Variants in MAPK4 observed in about 807,000 individuals in gnomAD.
MAPK4 encodes the protein mitogen-activated protein kinase 4.
MAPK4 carries 22 observed loss-of-function variants against 47.7 expected under a neutral mutation model. The ratio of observed to expected loss-of-function variants is 0.46; its 90% confidence interval spans 0.33 to 0.66. MAPK4 has a LOEUF of 0.66. Among genes scored for constraint, MAPK4 ranks in the 30% least tolerant of loss-of-function variants. The pLI, the probability that MAPK4 is intolerant of heterozygous loss-of-function variation, is 0.02. For missense variants in MAPK4, 736 were observed against 831.7 expected, an observed-to-expected ratio of 0.88 and a Z score of 1.42; for synonymous variants, 390 against 365.7, an observed-to-expected ratio of 1.07 and a Z score of -0.76.
rs1911477832 is a variant in MAPK4, at chr18:50,730,093, A to G, written c.*239A>G. The G allele has an allele frequency of 4.9e-6, 2 of 407,386 alleles. No homozygotes were observed. Among genetic ancestry groups the G allele is most frequent in the Non-Finnish European group, 8.7e-6 (2 of 228,818 alleles). The allele number at this position is 407,386 out of a possible 1,614,324, so 25.2% of individuals were successfully genotyped here. On this transcript the variant is annotated 3_prime_UTR_variant, in exon 6 of 6. Coordinates refer to ENST00000400384, the MANE Select transcript of MAPK4 (RefSeq NM_002747.4). ...TAGGGGTTGATCACTTTCCTAGCAA[A>G]GGGGAGACCACATGTGGTGCACAGG...
intron 1 of MAPK4, among the ~76,000 whole-genome samples, chr18:50,566,978 T>C (rs926227737): frequency 1.3e-5 from 2 of 152,214 alleles, no homozygotes; most frequent in African/African-American, 4.8e-5. Context: ...TTAATTTTTC[T>C]TGCTTTTTTA....
rs1911422626 is a variant in MAPK4 at position 50,729,572 on chromosome 18, G to A, written c.1482G>A (p.Ala494=). 7.0e-7 allele frequency: 1 copy of A among 1,424,252 alleles called. No individual in the cohort carries two copies. The highest frequency in any genetic ancestry group is 9.2e-7 in the Non-Finnish European group (1 of 1,087,984). 88.2% of individuals were successfully genotyped at this position (1,424,252 alleles called of 1,614,324 possible). The part of the protein sequence containing the change: ...DEPASLFLEI[A]QWVKSTQGGP... Reference sequence around the variant, plus strand: ...CGGCCAGCCTCTTCCTGGAGATCGCGCAGTGGGTCAAGAGCACGCAGGGCG... The same window carrying A: ...CGGCCAGCCTCTTCCTGGAGATCGCACAGTGGGTCAAGAGCACGCAGGGCG... Residue 494 remains alanine, a synonymous_variant, in exon 6 of 6, where the codon GCG becomes GCA. Coordinates refer to ENST00000400384, the MANE Select transcript of MAPK4 (RefSeq NM_002747.4).
chr18:50,629,189 A>C (rs1330381031), intron 1 of MAPK4, among the ~76,000 whole-genome samples: 4 of 152,234 alleles, frequency 2.6e-5, no homozygotes, highest in African/African-American at 9.6e-5. Flanking sequence ...AGGCTTAGAA[A>C]TTCTGAGAGC....
chr18:50,716,348 C>A (rs1243963302), intron 3 of MAPK4, among the ~76,000 whole-genome samples: 1 of 152,168 alleles, frequency 6.6e-6, no homozygotes, highest in Non-Finnish European at 1.5e-5. Flanking sequence ...GGGTCTCCTC[C>A]TCCCTCTCTG....
intron 1 of MAPK4, among the ~76,000 whole-genome samples, chr18:50,561,792 A>G (rs935934951): frequency 5.9e-5 from 9 of 152,198 alleles, no homozygotes; most frequent in African/African-American, 2.2e-4. Flanking sequence ...GCAGGGCTGA[A>G]TAGTAAAAAG....
At position 50,663,630 on chromosome 18, in the gene MAPK4, G is replaced by C. The variant is rs920665797; in HGVS notation, c.-329G>C. The C allele has an allele frequency of 9.9e-6, 2 of 202,336 alleles. No individual in the cohort carries two copies. The highest frequency in any genetic ancestry group is 2.0e-5 in the Non-Finnish European group (2 of 100,834). 12.5% of individuals were successfully genotyped at this position (202,336 alleles called of 1,614,324 possible). A position where few individuals can be genotyped will look rare whatever the true frequency, so the allele number is the denominator to read the frequency against. ...TGACATTCCATAGATAATGATACTG[G>C]GTTTTCTTTCCAAGATGCCAGCTTT... On this transcript the variant is annotated 5_prime_UTR_variant, in exon 2 of 6. Coordinates refer to ENST00000400384, the MANE Select transcript of MAPK4 (RefSeq NM_002747.4).
In MAPK4 at chr18:50,664,206, T is replaced by C. The variant is rs1907461402; in HGVS notation, c.248T>C (p.Val83Ala). Residue 83 changes from valine to alanine, a missense_variant, in exon 2 of 6, where the codon GTG becomes GCG. Transcript: ENST00000400384. This position sits in a 1 kb window ranked among gnomAD's most constrained non-coding sequence, Gnocchi z 6.0. ...DHDNIVKVYE[V>A]LGPKGTDLQG... ...GACAACATCGTCAAAGTGTACGAGG[T>C]GCTCGGTCCCAAGGGCACTGACCTG... 6.2e-7 allele frequency: 1 copy of C among 1,614,000 alleles called. No homozygotes were observed. Among genetic ancestry groups the C allele is most frequent in the East Asian group, 2.2e-5 (1 of 44,880 alleles).
intron 1 of MAPK4, among the ~76,000 whole-genome samples, chr18:50,589,595 C>CA (rs35570696): frequency 0.47 from 54,932 of 116,210 alleles, 11,432 homozygotes; most frequent in Middle Eastern, 0.55. Flanking sequence ...GACTCCGTCT[C>CA]AAAAAAAAAA....
intron 1 of MAPK4, among the ~76,000 whole-genome samples, chr18:50,628,375 G>A (rs879376084): frequency 5.3e-5 from 8 of 152,142 alleles, no homozygotes; most frequent in South Asian, 2.1e-4. Flanking sequence ...GTCTGATCTC[G>A]CCTCCCTGGG....
intron 1 of MAPK4, among the ~76,000 whole-genome samples, chr18:50,566,425 G>C (rs903590606): frequency 6.6e-6 from 1 of 152,244 alleles, no homozygotes; most frequent in African/African-American, 2.4e-5. Flanking sequence ...AGGTCACACA[G>C]AGATCAGCTG....
At chr18:50,640,374 C>T (rs868457619) in intron 1 of MAPK4, among the ~76,000 whole-genome samples, 21 of 120,072 alleles carry the variant, frequency 1.7e-4, no homozygotes, top group Middle Eastern at 4.7e-3. Context: ...GGACATTCTT[C>T]TTGTTTACAA....
intron 1 of MAPK4, among the ~76,000 whole-genome samples, chr18:50,582,483 C>A (rs941216947): frequency 6.6e-6 from 1 of 152,252 alleles, no homozygotes; most frequent in Non-Finnish European, 1.5e-5. Context: ...CTGCACTGGG[C>A]AGGTGGGTAG....
chr18:50,693,838 T>C (rs373223316), intron 2 of MAPK4, among the ~76,000 whole-genome samples: 84 of 151,880 alleles, frequency 5.5e-4, no homozygotes, highest in African/African-American at 2.0e-3. Flanking sequence ...ATGAAACGAG[T>C]GAGTGGTAGA....
In MAPK4 at chr18:50,729,566, G is replaced by A; in HGVS notation, c.1476G>A (p.Glu492=). ...ACGAGCCGGCCAGCCTCTTCCTGGAGATCGCGCAGTGGGTCAAGAGCACGC... is the reference window on the plus strand; with the variant it reads ...ACGAGCCGGCCAGCCTCTTCCTGGAAATCGCGCAGTGGGTCAAGAGCACGC... ...REDEPASLFL[E]IAQWVKSTQG... is the part of the protein sequence containing the mutation. The change falls in exon 6 of 6, where the codon GAG becomes GAA. Residue 492 remains glutamate, a synonymous_variant. Coordinates refer to ENST00000400384, the MANE Select transcript of MAPK4 (RefSeq NM_002747.4). The A allele has an allele frequency of 2.1e-6, 3 of 1,425,828 alleles. No individual in the cohort carries two copies. The highest frequency in any genetic ancestry group is 2.8e-6 in the Non-Finnish European group (3 of 1,088,798). 88.3% of individuals were successfully genotyped at this position (1,425,828 alleles called of 1,614,324 possible).
intron 1 of MAPK4, among the ~76,000 whole-genome samples, chr18:50,602,000 T>C (rs562920478): frequency 1.3e-5 from 2 of 152,322 alleles, no homozygotes; most frequent in East Asian, 3.9e-4. Context: ...GTAAGTAAAT[T>C]TCTTTTTTCT....
rs1164471446 is a variant in MAPK4, at chr18:50,729,167, G to A, written c.1077G>A (p.Val359=). Residue 359 remains valine (V), a synonymous_variant, in exon 6 of 6, where the codon GTG becomes GTA. Transcript: ENST00000400384. ...NWDTCSSRYP[V]SLSSDLEWRP... ...GTTTGTACCCTTGCAGGTACCCTGTGAGCCTGTCGTCGGACCTGGAGTGGC... is the reference window on the plus strand; with the variant it reads ...GTTTGTACCCTTGCAGGTACCCTGTAAGCCTGTCGTCGGACCTGGAGTGGC... 2 of 1,578,218 alleles carry A rather than the reference G, an allele frequency of 1.3e-6. No homozygotes were observed. Among genetic ancestry groups the A allele is most frequent in the Non-Finnish European group, 1.7e-6 (2 of 1,154,436 alleles).
At chr18:50,666,189 T>C (rs1907591834) in intron 2 of MAPK4, among the ~76,000 whole-genome samples, 1 of 152,204 alleles carries the variant, frequency 6.6e-6, no homozygotes, top group South Asian at 2.1e-4. Flanking sequence ...TCCAGGAAGA[T>C]GGTTTATTGT....
chr18:50,718,322 G>A lies in MAPK4; in HGVS notation c.691+3099G>A, dbSNP rs185072512. On this transcript the variant is annotated intron_variant, in intron 3 of 5. Transcript: ENST00000400384. Reference sequence around the variant, plus strand: ...GCAACCTCCACCCCCCATTTCAAGCGATTCTCATGTCTCAGCCTCCCGAGT... The same window carrying A: ...GCAACCTCCACCCCCCATTTCAAGCAATTCTCATGTCTCAGCCTCCCGAGT... Among the ~76,000 whole-genome samples the A allele has an allele frequency of 2.1e-4, 32 of 152,300 alleles. No homozygotes were observed. The East Asian group carries it at 4.2e-3, about 20-fold the overall frequency.
At chr18:50,595,395 A>G (rs1015945941) in intron 1 of MAPK4, among the ~76,000 whole-genome samples, 1 of 152,228 alleles carries the variant, frequency 6.6e-6, no homozygotes, top group African/African-American at 2.4e-5. Flanking sequence ...AGATATGCAA[A>G]ATAATCTCCA....
Sources: allele counts gnomAD v4.1 joint callset (sites outside exome capture counted in the v4.1 genomes callset), GRCh38; gene constraint gnomAD v4.1.1; non-coding constraint Gnocchi (gnomAD v3.1); transcripts MANE v1.5; gene names NCBI Gene and HGNC (gene_info 2026-07-23, HGNC 2026-07-21).